The following MYO16 variants were observed in gnomAD, a reference collection of about 807,000 sequenced individuals.
MYO16 encodes unconventional myosin-XVI.
Under a neutral mutation model 205.3 loss-of-function variants are expected in MYO16, and 94 were observed. The ratio of observed to expected loss-of-function variants is 0.46; its 90% CI spans 0.39 to 0.54. The LOEUF (loss-of-function observed/expected upper bound fraction) is 0.54, where lower values mean the gene tolerates loss of function less well. Ranked by LOEUF, MYO16 falls within the 20% of genes least tolerant of loss-of-function variation. The pLI is 0.00. For synonymous variants in MYO16, 988 were observed against 954.0 expected (o/e 1.04, Z -0.66); for missense variants, 2,315 against 2,387.5 (o/e 0.97, Z 0.63).
At chr13:108,910,912 T>A (rs977117641) in intron 16 of MYO16, among the ~76,000 whole-genome samples, 3 of 152,062 alleles carry the variant, frequency 2.0e-5, no homozygotes, top group Admixed American at 6.6e-5. Context: ...TGGATTGACT[T>A]CAGATACCTG....
At chr13:109,204,958 A>C (rs1163147424) in intron 34 of MYO16, among the ~76,000 whole-genome samples, 2 of 152,000 alleles carry the variant, frequency 1.3e-5, no homozygotes, top group Non-Finnish European at 2.9e-5. Context: ...TTCTTGGCTC[A>C]CTCTGCTGAG....
intron 17 of MYO16, among the ~76,000 whole-genome samples, chr13:108,958,514 C>T (rs7337298): frequency 0.054 from 8,265 of 152,082 alleles, 670 homozygotes; most frequent in African/African-American, 0.18. Flanking sequence ...ATGGCCGTGC[C>T]GTAGAAACAT....
chr13:108,921,967 G>T (rs1881763953), intron 16 of MYO16, among the ~76,000 whole-genome samples: 1 of 152,200 alleles, frequency 6.6e-6, no homozygotes, highest in Admixed American at 6.5e-5. Context: ...TTGGAGTCAT[G>T]TGAGAATAAC....
chr13:108,741,100 G>A (rs1048710925), intron 4 of MYO16, among the ~76,000 whole-genome samples: 3 of 152,028 alleles, frequency 2.0e-5, no homozygotes, highest in East Asian at 1.9e-4. Context: ...GCAATGCCTC[G>A]CCCTGCTTCA....
At chr13:108,608,007 G>T (rs973020838) in intron 1 of MYO16, among the ~76,000 whole-genome samples, 1 of 152,184 alleles carries the variant, frequency 6.6e-6, no homozygotes, top group African/African-American at 2.4e-5. Flanking sequence ...AAAATAGGCA[G>T]TGTAAACATC....
intron 4 of MYO16, among the ~76,000 whole-genome samples, chr13:108,765,158 GC>G (rs781218476): frequency 6.7e-6 from 1 of 150,258 alleles, no homozygotes; most frequent in Non-Finnish European, 1.5e-5. Flanking sequence ...TATCTGTATA[GC>G]CTATCCTTTC....
chr13:108,970,660 G>A (rs1883973885), intron 20 of MYO16, among the ~76,000 whole-genome samples: 2 of 152,186 alleles, frequency 1.3e-5, no homozygotes, highest in South Asian at 4.1e-4. Flanking sequence ...CCACGAACAT[G>A]GCTGTCACTG....
intron 32 of MYO16, among the ~76,000 whole-genome samples, chr13:109,163,491 A>ACTCCCTCCTTCCCTCCCTCCCTCCCCC (rs1878491130): frequency 1.9e-5 from 1 of 53,112 alleles, no homozygotes; most frequent in African/African-American, 7.4e-5. Flanking sequence ...ATCCCTCCCC[A>ACTCCCTCCTTCCCTCCCTCCCTCCCCC]CTCCCTCCTT....
At chr13:108,981,492 A>G (rs529089446) in intron 20 of MYO16, among the ~76,000 whole-genome samples, 2 of 152,328 alleles carry the variant, frequency 1.3e-5, no homozygotes, top group South Asian at 4.1e-4. Context: ...GCTTTAGCCA[A>G]CAGAATACAA....
At chr13:108,750,675 C>T (rs146473188) in intron 4 of MYO16, among the ~76,000 whole-genome samples, 1,744 of 151,428 alleles carry the variant, frequency 0.012, 25 homozygotes, top group African/African-American at 0.04. Context: ...AGCGTGGTGG[C>T]GTGCACCTAT....
intron 11 of MYO16, among the ~76,000 whole-genome samples, chr13:108,858,555 G>A (rs546274455): frequency 4.6e-5 from 7 of 152,114 alleles, no homozygotes; most frequent in African/African-American, 7.2e-5. Context: ...AAATGTCACC[G>A]GCCCTACCTT....
chr13:109,029,112 C>CTTTTTTTTTTTTTTTTTTT (rs200871485), intron 23 of MYO16, among the ~76,000 whole-genome samples: 1 of 98,410 alleles, frequency 1.0e-5, no homozygotes, highest in East Asian at 3.1e-4. Context: ...TTTTTCTTTT[C>CTTTTTTTTTTTTTTTTTTT]TTTTTTTTTT....
intron 31 of MYO16, among the ~76,000 whole-genome samples, chr13:109,128,270 C>A (rs554776939): frequency 2.6e-5 from 4 of 152,082 alleles, no homozygotes; most frequent in Admixed American, 6.6e-5. Flanking sequence ...CATTCTAGTG[C>A]GGCAAAACAG....
At chr13:108,871,310 T>C (rs1879041014) in intron 12 of MYO16, among the ~76,000 whole-genome samples, 1 of 144,490 alleles carries the variant, frequency 6.9e-6, no homozygotes, top group Admixed American at 7.2e-5. Context: ...GGTCTGTTTC[T>C]ACTATGTGAC....
At chr13:109,177,982 A>G (rs1409082546) in intron 33 of MYO16, among the ~76,000 whole-genome samples, 1 of 152,094 alleles carries the variant, frequency 6.6e-6, no homozygotes. Context: ...CCAGCACCCC[A>G]TCCTTTATTC....
intron 16 of MYO16, among the ~76,000 whole-genome samples, chr13:108,929,639 T>G (rs1882161123): frequency 1.3e-5 from 2 of 152,204 alleles, no homozygotes; most frequent in South Asian, 2.1e-4. Context: ...GAGGGGATTC[T>G]GGAACCTAGT....
chr13:108,784,233 T>G lies in MYO16; in HGVS notation c.508-1402T>G, dbSNP rs541896240. Among the ~76,000 whole-genome samples, 131 of 134,328 alleles carry G rather than the reference T, an allele frequency of 9.8e-4. 1 individual carries two copies. Among genetic ancestry groups the G allele is most frequent in the Admixed American group, 2.5e-3 (35 of 13,832 alleles). The allele number at this position is 134,328 out of a possible 152,430, so 88.1% of individuals were successfully genotyped here. ...CTGAAGAATATCCCTGAAGTCAGGG[T>G]TTTTTTTTTCAAACTCTGAATAATT... On this transcript the variant is annotated intron_variant, in intron 4 of 34. Coordinates refer to ENST00000457511, the MANE Select transcript of MYO16 (RefSeq NM_001198950.3).
At chr13:108,882,878 T>C (rs954894859) in intron 12 of MYO16, among the ~76,000 whole-genome samples, 181 bp from the exon 13 acceptor site, 3 of 152,258 alleles carry the variant, frequency 2.0e-5, no homozygotes, top group Non-Finnish European at 4.4e-5. Flanking sequence ...TTTGTCATTA[T>C]GCATGCTGAA....
At chr13:108,584,878 C>T in the MYO16 span, among the ~76,000 whole-genome samples, 2 of 152,156 alleles carry the variant, frequency 1.3e-5, no homozygotes, top group Admixed American at 1.3e-4. Context: ...AAATTGAAAT[C>T]TGATCTTAGA....
Sources: allele counts gnomAD v4.1 joint callset (sites outside exome capture counted in the v4.1 genomes callset), GRCh38; gene constraint gnomAD v4.1.1; transcripts MANE v1.5; gene names NCBI Gene and HGNC (gene_info 2026-07-23, HGNC 2026-07-21).